Variants in DCAF4 observed in about 807,000 individuals in gnomAD.
DCAF4 encodes DDB1 and CUL4 associated factor 4.
In DCAF4, 37 loss-of-function variants were observed where a neutral mutation model predicts 60.9. The ratio of observed to expected loss-of-function variants is 0.61; its 90% CI spans 0.47 to 0.80. The LOEUF is 0.80. Among genes scored for constraint, DCAF4 ranks in the 30% least tolerant of loss-of-function variants. The pLI is 0.00. For synonymous variants in DCAF4, 243 were observed against 254.8 expected, an observed-to-expected ratio of 0.95 and a Z score of 0.44; for missense variants, 577 against 650.0, an observed-to-expected ratio of 0.89 and a Z score of 1.22.
chr14:72,961,178 G>A (rs1402241955), downstream of DCAF4, among the ~76,000 whole-genome samples: 1 of 152,078 alleles, frequency 6.6e-6, no homozygotes. Flanking sequence ...CGAGCCATTT[G>A]TAAGACACTT....
chr14:72,940,383 C>A lies in DCAF4; in HGVS notation c.351+6C>A. On this transcript the variant is annotated splice_donor_region_variant and intron_variant, in intron 4 of 13. Coordinates refer to ENST00000358377, the MANE Select transcript of DCAF4 (RefSeq NM_015604.4). ...AAGAAGACAGACGGAAAAAGGTGGG[C>A]TCCTCACCCCTTCGCCCCCTGTCCT... 1 of 1,606,380 alleles carries A rather than the reference C, an allele frequency of 6.2e-7. No individual in the cohort carries two copies.
rs745369414 is a variant in DCAF4, at chr14:72,945,919, C to T, written c.570C>T (p.Asn190=). Residue 190 remains asparagine, a synonymous_variant, in exon 7 of 14, where the codon AAC becomes AAT. Coordinates refer to ENST00000358377, the MANE Select transcript of DCAF4 (RefSeq NM_015604.4). ...DTNSDRLFTV[N]DVKVGGSKYG... ...ACAGTGACCGGCTCTTCACAGTGAACGATGTTAAAGTTGGAGGCTCCAAGT... is the reference window on the plus strand; with the variant it reads ...ACAGTGACCGGCTCTTCACAGTGAATGATGTTAAAGTTGGAGGCTCCAAGT... 2.0e-5 allele frequency: 32 copies of T among 1,614,034 alleles called. No homozygotes were observed. The highest frequency in any genetic ancestry group is 2.5e-5 in the Non-Finnish European group (29 of 1,180,046).
chr14:72,951,811 G>C lies in DCAF4; in HGVS notation c.742G>C (p.Gly248Arg). Residue 248 changes from glycine to arginine, a missense_variant, in exon 9 of 14, where the codon GGA becomes CGA. Physicochemically the swap from Gly to Arg is moderately radical, Grantham distance 125 (BLOSUM62 -2). Transcript: ENST00000358377. ...LDSHILLCLM[G>R]LAETPGCATL... is the part of the protein sequence containing the mutation. The stretch of plus-strand genomic sequence containing the variant: ...AGCTTTTTCCAGGCTATGCCTCATG[G>C]GACTCGCAGAGACTCCAGGCTGTGC... The C allele has an allele frequency of 6.2e-7, 1 of 1,614,112 alleles. No individual in the cohort carries two copies. The highest frequency in any genetic ancestry group is 8.5e-7 in the Non-Finnish European group (1 of 1,180,020).
rs1178947476 is a variant in DCAF4 at position 72,946,028 on chromosome 14, G to A, written c.678+1G>A. 2.5e-6 allele frequency: 4 copies of A among 1,613,804 alleles called. No individual in the cohort carries two copies. The highest frequency in any genetic ancestry group is 1.7e-5 in the Admixed American group (1 of 59,996). On this transcript the variant is annotated splice_donor_variant, in intron 7 of 13. Coordinates refer to ENST00000358377, the MANE Select transcript of DCAF4 (RefSeq NM_015604.4). LOFTEE classifies it high-confidence loss of function. ...AAACCTCTACTTCACCAACCGGAAG[G>A]TACGTTGCCCATCCCTGTAGCCTCT...
chr14:72,944,651 G>A (rs900504406), intron 6 of DCAF4, among the ~76,000 whole-genome samples: 1 of 152,138 alleles, frequency 6.6e-6, no homozygotes, highest in African/African-American at 2.4e-5. Flanking sequence ...AATTAGCTGG[G>A]CATGGTGGTG....
chr14:72,932,238 G>A (rs1411653925), intron 1 of DCAF4, among the ~76,000 whole-genome samples: 2 of 148,234 alleles, frequency 1.3e-5, no homozygotes, highest in African/African-American at 2.6e-5. Context: ...CGATCTGCCT[G>A]CCTTGGCCTC....
chr14:72,932,510 T>G (rs951525899), intron 1 of DCAF4, among the ~76,000 whole-genome samples: 1 of 152,244 alleles, frequency 6.6e-6, no homozygotes, highest in African/African-American at 2.4e-5. Flanking sequence ...AACATTGCCT[T>G]TGCAGAATAG....
chr14:72,954,167 T>G lies in DCAF4; in HGVS notation c.812T>G (p.Ile271Arg). 1 of 1,614,136 alleles carries G rather than the reference T, an allele frequency of 6.2e-7. No individual in the cohort carries two copies. The highest frequency in any genetic ancestry group is 8.5e-7 in the Non-Finnish European group (1 of 1,180,018). ...CATTCTCCTATCCCCTTAGCAGGAA[T>G]AGACCGGCCTGGCATGCTCTGCAGT... Reference protein sequence around the residue: ...ASLFVNSHPGIDRPGMLCSFR... With the variant: ...ASLFVNSHPGRDRPGMLCSFR... The change falls in exon 10 of 14, where the codon ATA becomes AGA. Residue 271 changes from isoleucine to arginine, a missense_variant. Coordinates refer to ENST00000358377, the MANE Select transcript of DCAF4 (RefSeq NM_015604.4).
chr14:72,945,927 A>C lies in DCAF4; in HGVS notation c.578A>C (p.Lys193Thr), dbSNP rs17856582. 105,498 of 1,614,090 alleles carry C rather than the reference A, an allele frequency of 0.065. 3,929 individuals are homozygous for C. Among genetic ancestry groups the C allele is most frequent in the Non-Finnish European group, 0.077 (91,109 of 1,179,998 alleles). Residue 193 changes from lysine to threonine, a missense_variant, in exon 7 of 14, where the codon AAA (lysine) becomes ACA (threonine). Physicochemically the swap from Lys to Thr is moderately conservative, Grantham distance 78. Coordinates refer to ENST00000358377, the MANE Select transcript of DCAF4 (RefSeq NM_015604.4). ...CGGCTCTTCACAGTGAACGATGTTA[A>C]AGTTGGAGGCTCCAAGTATGGTATC... is the stretch of plus-strand genomic sequence containing the variant. ...SDRLFTVNDV[K>T]VGGSKYGIIN...
At chr14:72,960,315 A>G (rs1285351818), downstream of DCAF4, among the ~76,000 whole-genome samples, 1 of 151,640 alleles carries the variant, frequency 6.6e-6, no homozygotes, top group Non-Finnish European at 1.5e-5. Context: ...ACGCCTGGCT[A>G]ATTTTGTATT....
intron 1 of DCAF4, among the ~76,000 whole-genome samples, chr14:72,935,803 G>A (rs979867657): frequency 9.9e-5 from 15 of 152,176 alleles, no homozygotes; most frequent in African/African-American, 2.2e-4. Flanking sequence ...TCACCAGTTC[G>A]TGTGTTCTTT....
chr14:72,928,588 TATATATATATATA>T (rs1567290105), intron 1 of DCAF4, among the ~76,000 whole-genome samples: 43 of 146,606 alleles, frequency 2.9e-4, no homozygotes, highest in Admixed American at 5.4e-4. Flanking sequence ...ACATCCTTTA[TATATATATATATA>T]TATATATATA....
chr14:72,954,342 C>T (rs1293040984), intron 10 of DCAF4, 44 bp from the exon 11 acceptor site: 3 of 1,613,212 alleles, frequency 1.9e-6, no homozygotes, highest in Non-Finnish European at 1.7e-6. Context: ...TCTCCCCAGA[C>T]TACATGTGAC....
chr14:72,953,765 T>TATATATA (rs1891852668), intron 9 of DCAF4, among the ~76,000 whole-genome samples: 1 of 21,974 alleles, frequency 4.6e-5, no homozygotes, highest in African/African-American at 1.5e-4. Flanking sequence ...ATATATATAG[T>TATATATA]TTATTTATTT....
In DCAF4 at chr14:72,938,067, A is replaced by G; in HGVS notation, c.89A>G (p.Asp30Gly). The stretch of plus-strand genomic sequence containing the variant: ...TGGTTCAGACTCCGTGATTCTGAAG[A>G]CAGGCAAGTGTGCCGCTCTGGGGAG... ...NPWFRLRDSEDRSDSRAAQPA... is the reference protein window; with the variant it reads ...NPWFRLRDSEGRSDSRAAQPA... The change falls in exon 2 of 14, where the codon GAC (aspartate) becomes GGC (glycine). Residue 30 changes from aspartate to glycine, a missense_variant. Coordinates refer to ENST00000358377, the MANE Select transcript of DCAF4 (RefSeq NM_015604.4). 1 of 1,604,930 alleles carries G rather than the reference A, an allele frequency of 6.2e-7. No homozygotes were observed. The highest frequency in any genetic ancestry group is 8.5e-7 in the Non-Finnish European group (1 of 1,177,410).
At chr14:72,956,857 G>C in intron 13 of DCAF4, 1 of 270,294 alleles carries the variant, frequency 3.7e-6, no homozygotes, top group East Asian at 1.3e-4. Flanking sequence ...TGGGCTCCCT[G>C]TTGTCTCTAC....
chr14:72,955,761 G>A, intron 12 of DCAF4, 65 bp downstream of exon 12: 5 of 1,488,622 alleles, frequency 3.4e-6, no homozygotes, highest in Non-Finnish European at 4.6e-6. Context: ...CAGGTGAAAG[G>A]GTTCTGCTGA....
In DCAF4 at chr14:72,958,946, G is replaced by T; in HGVS notation, c.*141G>T. The stretch of plus-strand genomic sequence containing the variant: ...CTCTGGCTGCTAGGAGAGAAGTGCT[G>T]AATGTTCCGTGTGGAGATGCTCAGG... On this transcript the variant is annotated 3_prime_UTR_variant, in exon 14 of 14. Coordinates refer to ENST00000358377, the MANE Select transcript of DCAF4 (RefSeq NM_015604.4). The T allele has an allele frequency of 7.3e-7, 1 of 1,378,738 alleles. No homozygotes were observed. Among genetic ancestry groups the T allele is most frequent in the Non-Finnish European group, 9.3e-7 (1 of 1,072,302 alleles). 85.4% of individuals were successfully genotyped at this position (1,378,738 alleles called of 1,614,324 possible).
Position 72,959,499 on chromosome 14 carries a change from T to C in DCAF4, c.*694T>C. The C allele has an allele frequency of 1.0e-6, 1 of 985,628 alleles. No individual in the cohort carries two copies. Among genetic ancestry groups the C allele is most frequent in the South Asian group, 4.7e-5 (1 of 21,282 alleles). 61.1% of individuals were successfully genotyped at this position (985,628 alleles called of 1,614,324 possible). On this transcript the variant is annotated 3_prime_UTR_variant, in exon 14 of 14. Coordinates refer to ENST00000358377, the MANE Select transcript of DCAF4 (RefSeq NM_015604.4). Reference sequence around the variant, plus strand: ...TAAGGTTCAGCAGCTCTGGTTTCTATTACGGTGACTTGAATGTCAGATTCA... The same window carrying C: ...TAAGGTTCAGCAGCTCTGGTTTCTACTACGGTGACTTGAATGTCAGATTCA...
Sources: gnomAD v4.1 joint callset for allele counts (sites outside exome capture counted in the v4.1 genomes callset) on GRCh38, gnomAD v4.1.1 for gene constraint, MANE v1.5 for transcripts, NCBI Gene and HGNC (gene_info 2026-07-23, HGNC 2026-07-21) for gene names.